SBF2: variants seen among roughly 807,000 people sequenced by gnomAD.
The protein encoded by SBF2 is SET binding factor 2, also known as myotubularin-related protein 13.
Under a neutral mutation model 225.2 loss-of-function variants are expected in SBF2, and 112 were observed. The ratio of observed to expected loss-of-function variants is 0.50; its 90% CI spans 0.43 to 0.58. The LOEUF (loss-of-function observed/expected upper bound fraction) is 0.58. Among genes scored for constraint, SBF2 ranks in the 20% least tolerant of loss-of-function variants. The pLI is 0.00. For missense variants in SBF2, 1,996 were observed against 2,206.2 expected, an observed-to-expected ratio of 0.90 and a Z score of 1.91; for synonymous variants, 763 against 773.3, an observed-to-expected ratio of 0.99 and a Z score of 0.22.
chr11:10,065,898 G>T (rs1196862130), intron 2 of SBF2, among the ~76,000 whole-genome samples: 2 of 152,154 alleles, frequency 1.3e-5, no homozygotes, highest in Non-Finnish European at 2.9e-5. Flanking sequence ...AGTGAGCCAA[G>T]ATCGCGCCAT....
chr11:9,892,676 C>T (rs1017111330), intron 17 of SBF2, among the ~76,000 whole-genome samples: 6 of 151,984 alleles, frequency 3.9e-5, no homozygotes, highest in African/African-American at 1.5e-4. Flanking sequence ...TCTCCTGCCA[C>T]AGCCTCTCAA....
intron 1 of SBF2, among the ~76,000 whole-genome samples, chr11:10,284,540 T>C (rs1565435078): frequency 6.6e-6 from 1 of 152,122 alleles, no homozygotes; most frequent in Non-Finnish European, 1.5e-5. Context: ...TAGCATGCAT[T>C]AACTCTTTTT....
chr11:10,117,270 G>C (rs1292839883), intron 2 of SBF2, among the ~76,000 whole-genome samples: 1 of 151,668 alleles, frequency 6.6e-6, no homozygotes, highest in African/African-American at 2.4e-5. Flanking sequence ...GAGAAACCCC[G>C]TGTCTACTAA....
chr11:9,784,246 G>A (rs1852219651), intron 38 of SBF2, 105 bp downstream of exon 38: 1 of 872,740 alleles, frequency 1.1e-6, no homozygotes, highest in Admixed American at 1.8e-5. Context: ...CACTAAAAAA[G>A]CAGTCTGTAC....
chr11:10,231,877 TTTTG>T (rs985160558), intron 1 of SBF2, among the ~76,000 whole-genome samples: 1 of 152,242 alleles, frequency 6.6e-6, no homozygotes, highest in Non-Finnish European at 1.5e-5. Flanking sequence ...TACTGCTGCC[TTTTG>T]TTTGTCTGTG....
intron 2 of SBF2, among the ~76,000 whole-genome samples, chr11:10,170,214 G>A (rs1210304943): frequency 1.3e-5 from 2 of 152,078 alleles, no homozygotes; most frequent in Non-Finnish European, 2.9e-5. Context: ...CCAGTTCAGT[G>A]CCCTAGAGTT....
intron 1 of SBF2, among the ~76,000 whole-genome samples, chr11:10,271,674 A>G (rs374709754): frequency 0.31 from 32,597 of 104,844 alleles, 2,153 homozygotes; most frequent in African/African-American, 0.43. Context: ...TAAATAAACA[A>G]AACTATTTTC....
chr11:10,270,994 CAAAAAA>C (rs1180184303), intron 1 of SBF2, among the ~76,000 whole-genome samples: 2 of 27,690 alleles, frequency 7.2e-5, no homozygotes, highest in Non-Finnish European at 1.5e-4. Context: ...GACTCTGTCT[CAAAAAA>C]AAAAAAAAAA....
intron 2 of SBF2, among the ~76,000 whole-genome samples, chr11:10,062,426 A>G (rs1950484190): frequency 6.6e-6 from 1 of 152,188 alleles, no homozygotes; most frequent in South Asian, 2.1e-4. Flanking sequence ...GAGAAAATTT[A>G]TGCAAACTAT....
At chr11:9,957,137 C>T (rs1227581764) in intron 16 of SBF2, 1 of 152,214 alleles carries the variant, frequency 6.6e-6, no homozygotes, top group Non-Finnish European at 1.5e-5. Flanking sequence ...CTAACTCTTA[C>T]CTCTAAACCC....
At chr11:10,175,900 T>C (rs1435098738) in intron 2 of SBF2, among the ~76,000 whole-genome samples, 2 of 151,652 alleles carry the variant, frequency 1.3e-5, no homozygotes, top group African/African-American at 4.9e-5. Flanking sequence ...AACAACCGGC[T>C]CCTGAATGAC....
chr11:9,816,808 A>G (rs376121611), intron 29 of SBF2, 32 bp downstream of exon 29: 33 of 1,607,344 alleles, frequency 2.1e-5, no homozygotes, highest in Non-Finnish European at 2.7e-5. Flanking sequence ...GCGTATCCAT[A>G]AAGTTTCTAA....
At chr11:10,188,406 G>A (rs995241147) in intron 2 of SBF2, among the ~76,000 whole-genome samples, 5 of 152,194 alleles carry the variant, frequency 3.3e-5, no homozygotes, top group Non-Finnish European at 5.9e-5. Flanking sequence ...GGTCAGGCCT[G>A]TGTAGCTCTA....
chr11:10,112,126 C>A (rs762089635), intron 2 of SBF2, among the ~76,000 whole-genome samples: 1 of 152,164 alleles, frequency 6.6e-6, no homozygotes, highest in African/African-American at 2.4e-5. Context: ...AAAGTTTGAA[C>A]CCCTGATTTC....
At chr11:9,941,535 T>C (rs1327681479) in intron 16 of SBF2, among the ~76,000 whole-genome samples, 5 of 152,176 alleles carry the variant, frequency 3.3e-5, no homozygotes, top group Admixed American at 6.5e-5. Context: ...TGAGAAATTA[T>C]AAACTGATTT....
At chr11:9,917,428 T>C (rs374771707) in intron 16 of SBF2, among the ~76,000 whole-genome samples, 2 of 150,922 alleles carry the variant, frequency 1.3e-5, no homozygotes, top group African/African-American at 4.9e-5. Flanking sequence ...GCCTCCCGAG[T>C]TCAAGCAATT....
chr11:10,067,784 C>A (rs911586624), intron 2 of SBF2, among the ~76,000 whole-genome samples: 6 of 151,872 alleles, frequency 4.0e-5, no homozygotes, highest in African/African-American at 1.5e-4. Context: ...GCATCCAGCT[C>A]GAGAGGCTGA....
intron 1 of SBF2, among the ~76,000 whole-genome samples, chr11:10,279,487 T>C (rs1385132832): frequency 6.6e-6 from 1 of 152,002 alleles, no homozygotes; most frequent in African/African-American, 2.4e-5. Context: ...GTACCTAAAA[T>C]TTAAAAGCTT....
chr11:10,141,128 A>G (rs1954620694), intron 2 of SBF2, among the ~76,000 whole-genome samples: 1 of 152,154 alleles, frequency 6.6e-6, no homozygotes, highest in Non-Finnish European at 1.5e-5. Flanking sequence ...ACAGACTTAA[A>G]TCTATACCTG....
Sources: allele counts gnomAD v4.1 joint callset (sites outside exome capture counted in the v4.1 genomes callset), GRCh38; gene constraint gnomAD v4.1.1; transcripts MANE v1.5; gene names NCBI Gene and HGNC (gene_info 2026-07-23, HGNC 2026-07-21).